ASB3: variants seen among roughly 807,000 people sequenced by gnomAD.
ASB3 encodes ankyrin repeat and SOCS box containing 3, also known as ankyrin repeat and SOCS box protein 3.
A neutral mutation model predicts 54.5 loss-of-function variants in ASB3; 41 were observed. That is an observed-to-expected ratio of 0.75 (90% CI 0.59 to 0.98). ASB3 has a LOEUF of 0.98. Among genes scored for constraint, ASB3 ranks in the 50% least tolerant of loss-of-function variants. ASB3 has a pLI of 0.00. For missense variants in ASB3, 733 were observed against 620.0 expected (o/e 1.18, Z -1.94); for synonymous variants, 266 against 221.2 (o/e 1.20, Z -1.80).
rs144924706 is a variant in ASB3 at position 53,748,134 on chromosome 2, T to C, written c.355+2649A>G. ...AGTGAAGATCCAATTATCTGCTTCA[T>C]GTAAAACACCCACACAAGGCTTAGT... is the stretch of plus-strand genomic sequence containing the variant. On this transcript the variant is annotated intron_variant, in intron 3 of 9. Coordinates refer to ENST00000263634, the MANE Select transcript of ASB3 (RefSeq NM_016115.5). 1.6e-4 allele frequency: 24 copies of C among 152,342 alleles called. No individual in the cohort carries two copies. In the East Asian group the frequency reaches 4.6e-3, roughly 29 times the overall value. 9.4% of individuals were successfully genotyped at this position (152,342 alleles called of 1,614,324 possible).
At position 53,670,388 on chromosome 2, in the gene ASB3, C is replaced by G. The variant is rs3930; in HGVS notation, c.*115G>C. On this transcript the variant is annotated 3_prime_UTR_variant, in exon 10 of 10. Transcript: ENST00000263634. ...TGGCCCCCCAAAACCTAACCTATCT[C>G]ACAATCAATAATCATCTTTTGACTA... The G allele has an allele frequency of 0.22, 264,274 of 1,178,106 alleles. 30,695 individuals carry two copies. The highest frequency in any genetic ancestry group is 0.43 in the East Asian group (13,368 of 31,140). The allele number at this position is 1,178,106 out of a possible 1,614,324, so 73.0% of individuals were successfully genotyped here.
intron 9 of ASB3, among the ~76,000 whole-genome samples, chr2:53,691,179 T>G (rs1194709297): frequency 3.3e-5 from 5 of 152,226 alleles, no homozygotes; most frequent in African/African-American, 1.2e-4. Flanking sequence ...ACTCAATGAT[T>G]AAAAGATGAG....
At chr2:53,688,650 A>C (rs2103704045) in intron 9 of ASB3, among the ~76,000 whole-genome samples, 1 of 152,306 alleles carries the variant, frequency 6.6e-6, no homozygotes, top group East Asian at 1.9e-4. Context: ...CATAGCTAGA[A>C]AGTGATGGAG....
intron 2 of ASB3, among the ~76,000 whole-genome samples, chr2:53,754,917 G>A (rs910280020): frequency 6.6e-6 from 1 of 152,156 alleles, no homozygotes; most frequent in Non-Finnish European, 1.5e-5. Context: ...TGATACATGA[G>A]TTTTAGCAAA....
intron 3 of ASB3, among the ~76,000 whole-genome samples, chr2:53,733,948 G>C (rs185576781): frequency 3.3e-5 from 5 of 152,238 alleles, no homozygotes; most frequent in Non-Finnish European, 5.9e-5. Flanking sequence ...CAAAGGGATG[G>C]GCGGAAATAA....
rs750015089 is a variant in ASB3, at chr2:53,670,576, T to C, written c.1484A>G (p.His495Arg). ...ISQLPLPRSLHNYLLYEDVLR... is the reference protein window; with the variant it reads ...ISQLPLPRSLRNYLLYEDVLR... ...AACGTCTTCATAGAGCAAATAATTATGTAGGCTTCTGGGAAGTGGCAGCTG... is the reference window on the plus strand; with the variant it reads ...AACGTCTTCATAGAGCAAATAATTACGTAGGCTTCTGGGAAGTGGCAGCTG... The change falls in exon 10 of 10, where the codon CAT (histidine) becomes CGT (arginine). Residue 495 changes from histidine (H) to arginine (R), a missense_variant. His to Arg is a conservative substitution (Grantham distance 29, BLOSUM62 0). Coordinates refer to ENST00000263634, the MANE Select transcript of ASB3 (RefSeq NM_016115.5). 3 of 1,614,066 alleles carry C rather than the reference T, an allele frequency of 1.9e-6. No individual in the cohort carries two copies. The South Asian group carries it at 3.3e-5, about 18-fold the overall frequency.
intron 7 of ASB3, among the ~76,000 whole-genome samples, chr2:53,707,366 G>A (rs1326142668): frequency 6.6e-6 from 1 of 152,204 alleles, no homozygotes; most frequent in African/African-American, 2.4e-5. Flanking sequence ...TATGGGCCAG[G>A]TGTGGTGGCT....
intron 2 of ASB3, among the ~76,000 whole-genome samples, chr2:53,757,463 T>C (rs1241781951): frequency 6.6e-6 from 1 of 152,236 alleles, no homozygotes; most frequent in Non-Finnish European, 1.5e-5. Context: ...CGCCCGTGCA[T>C]GCACCCCTAC....
At chr2:53,712,106 T>A (rs1443830333) in intron 7 of ASB3, among the ~76,000 whole-genome samples, 1 of 151,442 alleles carries the variant, frequency 6.6e-6, no homozygotes, top group East Asian at 1.9e-4. Flanking sequence ...AGAAAAAAAA[T>A]CATTTATATC....
chr2:53,709,414 G>A (rs943923343), intron 7 of ASB3, among the ~76,000 whole-genome samples: 1 of 152,192 alleles, frequency 6.6e-6, no homozygotes, highest in Non-Finnish European at 1.5e-5. Context: ...TAGATGCCCA[G>A]CATAAAGGGC....
At chr2:53,765,744 G>C (rs1481928888) in intron 1 of ASB3, among the ~76,000 whole-genome samples, 159 bp from the exon 2 acceptor site, 1 of 152,194 alleles carries the variant, frequency 6.6e-6, no homozygotes, top group African/African-American at 2.4e-5. Context: ...GTCTCTGCTG[G>C]TGCCTAAAGC....
intron 7 of ASB3, among the ~76,000 whole-genome samples, chr2:53,708,684 T>A (rs951950088): frequency 1.3e-5 from 2 of 152,300 alleles, no homozygotes; most frequent in African/African-American, 4.8e-5. Flanking sequence ...TGACAAGGTC[T>A]CAGATGGAAA....
intron 5 of ASB3, among the ~76,000 whole-genome samples, chr2:53,719,397 C>T (rs1670574589): frequency 1.3e-5 from 2 of 152,192 alleles, no homozygotes; most frequent in Admixed American, 1.3e-4. Flanking sequence ...TCAAAAACTT[C>T]CTAAATCCAA....
At chr2:53,732,558 A>C (rs1671380179) in intron 3 of ASB3, among the ~76,000 whole-genome samples, 1 of 152,214 alleles carries the variant, frequency 6.6e-6, no homozygotes, top group Non-Finnish European at 1.5e-5. Flanking sequence ...ATAAAAATTA[A>C]AGTCAAAAAA....
intron 9 of ASB3, among the ~76,000 whole-genome samples, chr2:53,690,372 A>C (rs939487152): frequency 2.0e-5 from 3 of 152,196 alleles, no homozygotes; most frequent in African/African-American, 7.2e-5. Flanking sequence ...GCTCTTGGTC[A>C]AGTCATAGCA....
chr2:53,749,349 C>T (rs749822620), intron 3 of ASB3, among the ~76,000 whole-genome samples: 6 of 152,072 alleles, frequency 3.9e-5, no homozygotes, highest in Non-Finnish European at 8.8e-5. Flanking sequence ...AACTAAAAGT[C>T]TCAAACATTA....
chr2:53,712,032 T>C (rs1325234732), intron 7 of ASB3, among the ~76,000 whole-genome samples: 3 of 152,016 alleles, frequency 2.0e-5, no homozygotes, highest in African/African-American at 7.2e-5. Context: ...AACTGAGACA[T>C]AAAAAGCAAA....
intron 1 of ASB3, among the ~76,000 whole-genome samples, chr2:53,783,301 G>GA (rs1674758083): frequency 6.6e-6 from 1 of 152,084 alleles, no homozygotes; most frequent in African/African-American, 2.4e-5. Context: ...GAAAAGAACT[G>GA]AAAATCAAGG....
At chr2:53,693,019 T>C (rs1668998833) in intron 9 of ASB3, among the ~76,000 whole-genome samples, 1 of 152,288 alleles carries the variant, frequency 6.6e-6, no homozygotes, top group East Asian at 1.9e-4. Flanking sequence ...TTTACTTAAA[T>C]GTAATTTTCC....
Sources: allele counts gnomAD v4.1 joint callset (sites outside exome capture counted in the v4.1 genomes callset), GRCh38; gene constraint gnomAD v4.1.1; transcripts MANE v1.5; gene names NCBI Gene and HGNC (gene_info 2026-07-23, HGNC 2026-07-21).